The following CPED1 variants were observed in gnomAD, a reference collection of about 807,000 sequenced individuals.
The protein encoded by CPED1 is cadherin-like and PC-esterase domain-containing protein 1.
CPED1 carries 114 observed loss-of-function variants against 128.2 expected under a neutral mutation model. That is an observed-to-expected ratio of 0.89 (90% CI 0.76 to 1.04). The LOEUF is 1.04. Among genes scored for constraint, CPED1 ranks in the 50% least tolerant of loss-of-function variants. CPED1 has a pLI of 0.00. For missense variants in CPED1, 1,211 were observed against 1,207.1 expected, an observed-to-expected ratio of 1.00 and a Z score of -0.05; for synonymous variants, 462 against 426.7, an observed-to-expected ratio of 1.08 and a Z score of -1.02.
At chr7:121,156,075 A>G (rs1422122670) in intron 16 of CPED1, among the ~76,000 whole-genome samples, 1 of 152,228 alleles carries the variant, frequency 6.6e-6, no homozygotes, top group African/African-American at 2.4e-5. Flanking sequence ...CAAATGGCCA[A>G]CAAGGATGTG....
chr7:121,227,518 T>G (rs1228534880), intron 16 of CPED1, among the ~76,000 whole-genome samples: 2 of 151,868 alleles, frequency 1.3e-5, no homozygotes, highest in African/African-American at 2.4e-5. Flanking sequence ...GGAGATGGAG[T>G]AAAGGTGAAA....
intron 16 of CPED1, among the ~76,000 whole-genome samples, chr7:121,166,065 A>T (rs186784629): frequency 1.3e-5 from 2 of 152,302 alleles, no homozygotes; most frequent in East Asian, 3.9e-4. Context: ...TTAGAACGCT[A>T]ATTATGTAAA....
rs112499014 is a variant in CPED1, at chr7:120,988,783, C to T, written c.-361C>T. ...TGTCTGTGTGCGTGTGTGTGTGTGT[C>T]TCTCTCTGTGTGTGTGTGAGATGAA... On this transcript the variant is annotated 5_prime_UTR_variant, in exon 1 of 23. Coordinates refer to ENST00000310396, the MANE Select transcript of CPED1 (RefSeq NM_024913.5). 2.0e-5 allele frequency: 3 copies of T among 151,990 alleles called. No individual in the cohort carries two copies. Among genetic ancestry groups the T allele is most frequent in the African/African-American group, 4.8e-5 (2 of 41,376 alleles). 9.4% of individuals were successfully genotyped at this position (151,990 alleles called of 1,614,324 possible).
At chr7:121,071,062 A>G (rs553522357) in intron 5 of CPED1, among the ~76,000 whole-genome samples, 1 of 152,290 alleles carries the variant, frequency 6.6e-6, no homozygotes, top group Non-Finnish European at 1.5e-5. Flanking sequence ...TTTAGAGGCC[A>G]GATAACCTGC....
At chr7:121,172,656 G>GGATAGATAGATA (rs1394418998) in intron 16 of CPED1, among the ~76,000 whole-genome samples, 2 of 66,820 alleles carry the variant, frequency 3.0e-5, no homozygotes, top group African/African-American at 5.4e-5. Flanking sequence ...TTGGATGGAT[G>GGATAGATAGATA]GATACATAGA....
chr7:121,052,546 C>A (rs1367814854), intron 4 of CPED1, among the ~76,000 whole-genome samples: 3 of 151,998 alleles, frequency 2.0e-5, no homozygotes, highest in African/African-American at 7.3e-5. Context: ...CACTTGCTAG[C>A]TTTATGATTG....
At chr7:121,290,068 G>C (rs575089624) in intron 22 of CPED1, among the ~76,000 whole-genome samples, 2 of 152,134 alleles carry the variant, frequency 1.3e-5, no homozygotes, top group African/African-American at 4.8e-5. Context: ...TTGGTTTTCT[G>C]TTCCTGTGTT....
intron 16 of CPED1, among the ~76,000 whole-genome samples, chr7:121,203,629 C>T (rs905872073): frequency 6.6e-6 from 1 of 152,042 alleles, no homozygotes; most frequent in Non-Finnish European, 1.5e-5. Context: ...CCCTCTGTCT[C>T]CCTCCTGTGC....
intron 16 of CPED1, among the ~76,000 whole-genome samples, chr7:121,233,376 A>G (rs546596619): frequency 1.3e-5 from 2 of 152,148 alleles, no homozygotes; most frequent in East Asian, 1.9e-4. Context: ...CCAAGAGATG[A>G]CACTTAAGAC....
At chr7:121,260,223 G>GTTTTTTTTTTTTTTTTTTT (rs59370305) in intron 18 of CPED1, among the ~76,000 whole-genome samples, 3 of 70,014 alleles carry the variant, frequency 4.3e-5, no homozygotes, top group Admixed American at 2.1e-4. Flanking sequence ...CTTGCTTCGC[G>GTTTTTTTTTTTTTTTTTTT]TTTTTTTTTT....
chr7:121,069,685 A>G (rs1793940647), intron 5 of CPED1, among the ~76,000 whole-genome samples: 1 of 152,184 alleles, frequency 6.6e-6, no homozygotes, highest in South Asian at 2.1e-4. Context: ...GCCTTTTGAA[A>G]AAAAAGTGTC....
chr7:121,035,769 G>T (rs1378598864), intron 3 of CPED1, among the ~76,000 whole-genome samples: 2 of 152,034 alleles, frequency 1.3e-5, no homozygotes, highest in Non-Finnish European at 2.9e-5. Context: ...GGAGGTCAAA[G>T]CTGCAGTGAG....
intron 16 of CPED1, among the ~76,000 whole-genome samples, chr7:121,146,983 C>CT (rs1357275552): frequency 6.6e-6 from 1 of 152,118 alleles, no homozygotes; most frequent in Non-Finnish European, 1.5e-5. Flanking sequence ...TAGCAGCACT[C>CT]TTGGCCTCTA....
intron 18 of CPED1, among the ~76,000 whole-genome samples, chr7:121,246,325 T>G (rs1009963539): frequency 6.6e-6 from 1 of 152,212 alleles, no homozygotes; most frequent in South Asian, 2.1e-4. Flanking sequence ...AAAGGCCCTC[T>G]TCCCTGTTTG....
intron 16 of CPED1, among the ~76,000 whole-genome samples, chr7:121,189,863 G>A (rs1262941781): frequency 7.0e-6 from 1 of 142,458 alleles, no homozygotes; most frequent in South Asian, 2.2e-4. Flanking sequence ...TAGATGCAAA[G>A]ATTTATTTAT....
At chr7:121,069,115 A>G (rs376861888) in intron 5 of CPED1, among the ~76,000 whole-genome samples, 32 of 152,244 alleles carry the variant, frequency 2.1e-4, no homozygotes, top group Admixed American at 5.2e-4. Context: ...CTATATAAAT[A>G]TCTTTGAAAA....
chr7:121,160,168 A>G (rs1397992652), intron 16 of CPED1, among the ~76,000 whole-genome samples: 1 of 151,792 alleles, frequency 6.6e-6, no homozygotes, highest in Non-Finnish European at 1.5e-5. Flanking sequence ...GTATGTATTT[A>G]TGGGGTACAT....
chr7:121,097,916 G>T, intron 6 of CPED1, 85 bp downstream of exon 6: 1 of 1,312,794 alleles, frequency 7.6e-7, no homozygotes, highest in South Asian at 1.6e-5. Context: ...AGATATGGGG[G>T]GTTCACATGT....
At chr7:120,991,329 A>C (rs1054687131) in intron 2 of CPED1, among the ~76,000 whole-genome samples, 1 of 152,202 alleles carries the variant, frequency 6.6e-6, no homozygotes, top group African/African-American at 2.4e-5. Flanking sequence ...AGGCACAGTA[A>C]AGTTATTGAA....
Sources: gnomAD v4.1 joint callset for allele counts (sites outside exome capture counted in the v4.1 genomes callset) on GRCh38, gnomAD v4.1.1 for gene constraint, MANE v1.5 for transcripts, NCBI Gene and HGNC (gene_info 2026-07-23, HGNC 2026-07-21) for gene names.